Variants in WDSUB1 observed in about 807,000 individuals in gnomAD.
WDSUB1 encodes the protein WD repeat, SAM and U-box domain-containing protein 1.
WDSUB1 carries 49 observed loss-of-function variants against 53.9 expected under a neutral mutation model. That is an observed-to-expected ratio of 0.91 (90% CI 0.72 to 1.15). The LOEUF (loss-of-function observed/expected upper bound fraction) is 1.15. Among genes scored for constraint, WDSUB1 ranks in the 50% most tolerant of loss-of-function variants. The pLI is 0.00. For missense variants in WDSUB1, 514 were observed against 562.0 expected (o/e 0.91, Z 0.86); for synonymous variants, 194 against 200.6 (o/e 0.97, Z 0.28).
chr2:159,284,066 C>G (rs963358996), intron 1 of WDSUB1, among the ~76,000 whole-genome samples: 1 of 152,182 alleles, frequency 6.6e-6, no homozygotes, highest in Non-Finnish European at 1.5e-5. Flanking sequence ...CCCACCTCAG[C>G]CTCCCAAAGT....
intron 9 of WDSUB1, among the ~76,000 whole-genome samples, chr2:159,250,074 G>A (rs1174665808): frequency 1.6e-5 from 2 of 126,746 alleles, no homozygotes; most frequent in Non-Finnish European, 3.4e-5. Context: ...GGGCGACACA[G>A]TGAGACTCTG....
At chr2:159,247,211 T>C (rs574435698) in intron 10 of WDSUB1, among the ~76,000 whole-genome samples, 31 of 152,352 alleles carry the variant, frequency 2.0e-4, no homozygotes, top group Admixed American at 1.6e-3. Flanking sequence ...GTTTATTATA[T>C]GCAGGTACAG....
At chr2:159,264,491 A>T (rs1233507817) in intron 5 of WDSUB1, among the ~76,000 whole-genome samples, 2 of 152,194 alleles carry the variant, frequency 1.3e-5, no homozygotes, top group African/African-American at 4.8e-5. Flanking sequence ...TAAAATATAA[A>T]CAACTGTCTT....
In WDSUB1 at chr2:159,282,964, G is replaced by A. The variant is rs777292176; in HGVS notation, c.106C>T (p.Leu36=). ...ATCSLDKTIR[L]YSLRDFTELP... Reference sequence around the variant, plus strand: ...TCAGTAAAGTCACGTAACGAGTACAGGCGAATTGTTTTGTCCAAGGAGCAA... The same window carrying A: ...TCAGTAAAGTCACGTAACGAGTACAAGCGAATTGTTTTGTCCAAGGAGCAA... Residue 36 remains leucine, a synonymous_variant, in exon 2 of 11, where the codon CTG becomes TTG. Coordinates refer to ENST00000359774, the MANE Select transcript of WDSUB1 (RefSeq NM_001128212.3). 2.5e-6 allele frequency: 4 copies of A among 1,614,218 alleles called. No individual in the cohort carries two copies. Among genetic ancestry groups the A allele is most frequent in the African/African-American group, 1.3e-5 (1 of 75,050 alleles).
At chr2:159,253,092 T>C (rs960014850) in intron 9 of WDSUB1, among the ~76,000 whole-genome samples, 9 of 152,234 alleles carry the variant, frequency 5.9e-5, no homozygotes, top group South Asian at 2.1e-4. Flanking sequence ...ATGGAAGCTG[T>C]GTGGCTAGTT....
intron 9 of WDSUB1, among the ~76,000 whole-genome samples, chr2:159,254,314 C>G (rs537385942): frequency 6.6e-6 from 1 of 152,208 alleles, no homozygotes; most frequent in Admixed American, 6.5e-5. Context: ...AATCCTAGCA[C>G]ATTGGGAGGC....
chr2:159,257,713 T>TG (rs2061096063), intron 8 of WDSUB1, 45 bp downstream of exon 8: 2 of 1,538,332 alleles, frequency 1.3e-6, no homozygotes, highest in Non-Finnish European at 1.8e-6. Context: ...CTGACCCTAA[T>TG]GGTGAGTGGG....
In WDSUB1 at chr2:159,242,665, T is replaced by G. The variant is rs557618327; in HGVS notation, c.1273+5707A>C. Reference sequence around the variant, plus strand: ...AGCGAAACTCCCTCTCAAAAATAAATAAAGTATGCATCATAACTCATTTGT... The same window carrying G: ...AGCGAAACTCCCTCTCAAAAATAAAGAAAGTATGCATCATAACTCATTTGT... On this transcript the variant is annotated intron_variant, in intron 10 of 10. Transcript: ENST00000359774. Among the ~76,000 whole-genome samples the G allele has an allele frequency of 2.4e-3, 347 of 147,256 alleles. 9 individuals carry two copies. The highest frequency in any genetic ancestry group is 6.8e-3 in the Middle Eastern group (2 of 294).
At chr2:159,241,046 C>CT (rs2060630425) in intron 10 of WDSUB1, among the ~76,000 whole-genome samples, 1 of 152,154 alleles carries the variant, frequency 6.6e-6, no homozygotes, top group Non-Finnish European at 1.5e-5. Context: ...AGACAGTATA[C>CT]TTGAACTGCA....
rs567819886 is a variant in WDSUB1 at position 159,264,191 on chromosome 2, G to A, written c.771-4348C>T. 2.0e-5 allele frequency among the ~76,000 whole-genome samples: 3 copies of A among 152,312 alleles called. No homozygotes were observed. In the East Asian group the frequency reaches 5.8e-4, roughly 29 times the overall value. On this transcript the variant is annotated intron_variant, in intron 5 of 10. Transcript: ENST00000359774. ...GCCTAAAAACTTGAAAAGTGATGGT[G>A]TGGCTATTCAAATTTCACTAAAGCT... is the stretch of plus-strand genomic sequence containing the variant.
intron 5 of WDSUB1, among the ~76,000 whole-genome samples, chr2:159,260,361 A>C (rs1364968498): frequency 6.6e-6 from 1 of 151,572 alleles, no homozygotes; most frequent in African/African-American, 2.4e-5. Flanking sequence ...TATTAAAACA[A>C]TAGTATATAC....
At chr2:159,263,012 G>A (rs116261264) in intron 5 of WDSUB1, among the ~76,000 whole-genome samples, 32 of 152,256 alleles carry the variant, frequency 2.1e-4, no homozygotes, top group African/African-American at 7.5e-4. Flanking sequence ...CATTCCTACA[G>A]TTTTGTGGTG....
At chr2:159,277,534 C>G (rs2061569444) in intron 3 of WDSUB1, among the ~76,000 whole-genome samples, 1 of 152,084 alleles carries the variant, frequency 6.6e-6, no homozygotes, top group Non-Finnish European at 1.5e-5. Flanking sequence ...ACATACTTTT[C>G]TTCAGGAAAA....
chr2:159,239,097 G>A (rs1444556893), intron 10 of WDSUB1, among the ~76,000 whole-genome samples: 1 of 152,070 alleles, frequency 6.6e-6, no homozygotes, highest in Non-Finnish European at 1.5e-5. Context: ...GACCTCCCAG[G>A]CTCAAGCAAT....
intron 10 of WDSUB1, among the ~76,000 whole-genome samples, chr2:159,245,721 A>T (rs1452738005): frequency 3.3e-5 from 5 of 152,208 alleles, no homozygotes; most frequent in Non-Finnish European, 7.3e-5. Context: ...ATATTCATTT[A>T]GGAAAGCCAT....
chr2:159,256,633 T>G (rs1233721123), intron 8 of WDSUB1, among the ~76,000 whole-genome samples: 1 of 152,142 alleles, frequency 6.6e-6, no homozygotes, highest in African/African-American at 2.4e-5. Context: ...CACTTTAACT[T>G]GCTTTTGGAT....
intron 5 of WDSUB1, among the ~76,000 whole-genome samples, chr2:159,266,974 T>G (rs563775848): frequency 1.8e-4 from 27 of 152,202 alleles, no homozygotes; most frequent in South Asian, 1.4e-3. Flanking sequence ...GGTCTTCCTA[T>G]GTTGCCCAGG....
At chr2:159,260,232 G>A (rs1384223660) in intron 5 of WDSUB1, among the ~76,000 whole-genome samples, 1 of 152,136 alleles carries the variant, frequency 6.6e-6, no homozygotes, top group Non-Finnish European at 1.5e-5. Flanking sequence ...CTGAACCTGG[G>A]AGGTGGAGGT....
chr2:159,244,740 CAG>C (rs2060749096), intron 10 of WDSUB1, among the ~76,000 whole-genome samples: 1 of 152,142 alleles, frequency 6.6e-6, no homozygotes, highest in South Asian at 2.1e-4. Flanking sequence ...GCCTGGGCAA[CAG>C]AGAGACCCCA....
Sources: gnomAD v4.1 joint callset for allele counts (sites outside exome capture counted in the v4.1 genomes callset) on GRCh38, gnomAD v4.1.1 for gene constraint, MANE v1.5 for transcripts, NCBI Gene and HGNC (gene_info 2026-07-23, HGNC 2026-07-21) for gene names.